Variants in STK32A observed in about 807,000 individuals in gnomAD.
STK32A encodes the protein serine/threonine-protein kinase 32A.
In STK32A, 41 loss-of-function variants were observed where a neutral mutation model predicts 53.2. That is an observed-to-expected ratio of 0.77 (90% CI 0.60 to 1.00). STK32A has a LOEUF of 1.00. Ranked by LOEUF, STK32A falls within the 50% of genes least tolerant of loss-of-function variation. The probability of loss-of-function intolerance (pLI) is 0.00; values close to 1 mark genes in which losing one functional copy is unlikely to be tolerated. For missense variants in STK32A, 458 were observed against 485.8 expected (o/e 0.94, Z 0.54); for synonymous variants, 166 against 162.8 (o/e 1.02, Z -0.15).
intron 2 of STK32A, among the ~76,000 whole-genome samples, chr5:147,256,421 C>T (rs945104718): frequency 5.9e-5 from 9 of 152,354 alleles, no homozygotes; most frequent in African/African-American, 2.2e-4. Flanking sequence ...AGGGGACAAT[C>T]TGGAATACTT....
At chr5:147,330,911 G>A (rs534711712) in intron 5 of STK32A, among the ~76,000 whole-genome samples, 2 of 152,186 alleles carry the variant, frequency 1.3e-5, no homozygotes, top group Admixed American at 1.3e-4. Flanking sequence ...TTTTAACTGA[G>A]GTCTTTAGTT....
At chr5:147,245,441 T>G (rs972263694) in intron 2 of STK32A, among the ~76,000 whole-genome samples, 3 of 152,246 alleles carry the variant, frequency 2.0e-5, no homozygotes, top group Admixed American at 1.3e-4. Context: ...ATTTTCTCTA[T>G]CTGAATGCAC....
At chr5:147,308,919 T>C (rs970585367) in intron 4 of STK32A, among the ~76,000 whole-genome samples, 1 of 150,508 alleles carries the variant, frequency 6.6e-6, no homozygotes, top group African/African-American at 2.4e-5. Context: ...AAAATATTTG[T>C]TTTTTATATT....
Position 147,262,332 on chromosome 5 carries a change from C to T in STK32A, c.53-15792C>T, listed in dbSNP as rs146121021. ...TTAAACCAGAAAACTATTATGATCC[C>T]CTTATTTGAATGAGAATATATGTCT... is the stretch of plus-strand genomic sequence containing the variant. On this transcript the variant is annotated intron_variant, in intron 2 of 12. Transcript: ENST00000397936. 8.7e-4 allele frequency among the ~76,000 whole-genome samples: 133 copies of T among 152,080 alleles called. No homozygotes were observed. In the East Asian group the frequency reaches 0.019, roughly 22 times the overall value.
Position 147,355,753 on chromosome 5 carries a change from T to C in STK32A, c.562+4599T>C, listed in dbSNP as rs568020578. ...CTCCTCCAAATTATATATGTATGTA[T>C]GTGTATATATGTATATGTATGTGTG... On this transcript the variant is annotated intron_variant, in intron 7 of 12. Transcript: ENST00000397936. Among the ~76,000 whole-genome samples the C allele has an allele frequency of 9.5e-5, 14 of 147,334 alleles. No individual in the cohort carries two copies. The South Asian group carries it at 3.0e-3, about 32-fold the overall frequency.
intron 4 of STK32A, among the ~76,000 whole-genome samples, chr5:147,289,514 A>T (rs1478031027): frequency 6.6e-6 from 1 of 152,032 alleles, no homozygotes; most frequent in Non-Finnish European, 1.5e-5. Context: ...GTGAGTTAAG[A>T]TTAAAAAGTT....
chr5:147,381,793 T>C (rs1757464860), intron 11 of STK32A, among the ~76,000 whole-genome samples: 1 of 152,164 alleles, frequency 6.6e-6, no homozygotes, highest in African/African-American at 2.4e-5. Context: ...CCTTTTTCTC[T>C]CTCTTCTCCT....
At chr5:147,235,695 C>T (rs2151935450) in intron 1 of STK32A, among the ~76,000 whole-genome samples, 1 of 152,298 alleles carries the variant, frequency 6.6e-6, no homozygotes. Flanking sequence ...TATATCCACT[C>T]TCTCATGCCA....
At chr5:147,236,274 T>A (rs1458055098) in intron 1 of STK32A, among the ~76,000 whole-genome samples, 2 of 152,180 alleles carry the variant, frequency 1.3e-5, no homozygotes, top group African/African-American at 4.8e-5. Flanking sequence ...CTCTGAAAAC[T>A]CCCTGTGTCC....
chr5:147,279,269 A>G lies in STK32A; in HGVS notation c.131A>G (p.Asp44Gly). ...TAGGTCTGCATTGTACAGAAGAATG[A>G]TACCAAGAAGATGTACGCAATGAAG... ...FGKVCIVQKN[D>G]TKKMYAMKYM... Residue 44 changes from aspartate to glycine, a missense_variant, in exon 4 of 13, where the codon GAT becomes GGT. Physicochemically the swap from Asp to Gly is moderately conservative, Grantham distance 94. Transcript: ENST00000397936. 6.2e-7 allele frequency: 1 copy of G among 1,613,872 alleles called. No homozygotes were observed. The highest frequency in any genetic ancestry group is 8.5e-7 in the Non-Finnish European group (1 of 1,179,828).
Position 147,274,829 on chromosome 5 carries a change from T to G in STK32A, c.53-3295T>G, listed in dbSNP as rs1193458503. Among the ~76,000 whole-genome samples, 3 of 152,188 alleles carry G rather than the reference T, an allele frequency of 2.0e-5. No individual in the cohort carries two copies. The East Asian group carries it at 5.8e-4, about 29-fold the overall frequency. ...TTTCCAAGATTACACAGCTATTTATTGTTGGAACTGAGATTTGAATTCAGG... is the reference window on the plus strand; with the variant it reads ...TTTCCAAGATTACACAGCTATTTATGGTTGGAACTGAGATTTGAATTCAGG... On this transcript the variant is annotated intron_variant, in intron 2 of 12. Coordinates refer to ENST00000397936, the MANE Select transcript of STK32A (RefSeq NM_001112724.2).
At chr5:147,292,278 G>A (rs1752634057) in intron 4 of STK32A, among the ~76,000 whole-genome samples, 1 of 152,128 alleles carries the variant, frequency 6.6e-6, no homozygotes. Context: ...CCAAAGCCTT[G>A]GTAAAATGAC....
chr5:147,309,278 C>T (rs75290328), intron 4 of STK32A, among the ~76,000 whole-genome samples: 1,889 of 152,106 alleles, frequency 0.012, 39 homozygotes, highest in African/African-American at 0.042. Flanking sequence ...TGAAATAGTT[C>T]TTATGCCATT....
At chr5:147,380,161 C>A (rs1757395703) in intron 11 of STK32A, among the ~76,000 whole-genome samples, 1 of 152,112 alleles carries the variant, frequency 6.6e-6, no homozygotes, top group East Asian at 1.9e-4. Flanking sequence ...TCAATTATAA[C>A]CTTGATTTTT....
chr5:147,390,081 T>C (rs192874058), downstream of STK32A, among the ~76,000 whole-genome samples: 4 of 152,230 alleles, frequency 2.6e-5, no homozygotes, highest in African/African-American at 7.2e-5. Flanking sequence ...ACTTTTGCAA[T>C]GAAAATATGA....
intron 9 of STK32A, among the ~76,000 whole-genome samples, chr5:147,372,269 CTTTTTTTTTTTTTTT>C (rs71274369): frequency 4.1e-5 from 2 of 49,334 alleles, no homozygotes; most frequent in African/African-American, 8.1e-5. Flanking sequence ...TGGGCTTGGC[CTTTTTTTTTTTTTTT>C]TTTTTTTTTT....
chr5:147,275,521 A>G (rs1167694535), intron 2 of STK32A, among the ~76,000 whole-genome samples: 3 of 152,086 alleles, frequency 2.0e-5, no homozygotes, highest in Non-Finnish European at 4.4e-5. Flanking sequence ...ATGGGGCCTC[A>G]CTACATTACC....
chr5:147,245,861 C>T (rs1000103907), intron 2 of STK32A, among the ~76,000 whole-genome samples: 9 of 152,148 alleles, frequency 5.9e-5, no homozygotes, highest in Non-Finnish European at 1.0e-4. Flanking sequence ...GTGGCTGTTT[C>T]CAGTTTTCCA....
chr5:147,332,860 A>G, intron 5 of STK32A, among the ~76,000 whole-genome samples: 1 of 152,202 alleles, frequency 6.6e-6, no homozygotes, highest in East Asian at 1.9e-4. Context: ...TGTTGTATGC[A>G]TCAAGCAGTT....
Sources: allele counts gnomAD v4.1 joint callset (sites outside exome capture counted in the v4.1 genomes callset), GRCh38; gene constraint gnomAD v4.1.1; transcripts MANE v1.5; gene names NCBI Gene and HGNC (gene_info 2026-07-23, HGNC 2026-07-21).